AGBL1: variants seen among roughly 807,000 people sequenced by gnomAD.
AGBL1 encodes AGBL carboxypeptidase 1.
Under a neutral mutation model 118.9 loss-of-function variants are expected in AGBL1, and 130 were observed. The observed-to-expected ratio is 1.09, with a 90% confidence interval of 0.95 to 1.26. The LOEUF (loss-of-function observed/expected upper bound fraction) is 1.26, where lower values mean the gene tolerates loss of function less well. Ranked by LOEUF, AGBL1 falls within the 50% of genes most tolerant of loss-of-function variation. The probability of loss-of-function intolerance (pLI) is 0.00; values close to 1 mark genes in which losing one functional copy is unlikely to be tolerated. For missense variants in AGBL1, 1,584 were observed against 1,298.1 expected (o/e 1.22, Z -3.38); for synonymous variants, 555 against 478.9 (o/e 1.16, Z -2.08).
chr15:86,588,431 T>C (rs759917232), intron 21 of AGBL1, among the ~76,000 whole-genome samples: 1 of 152,180 alleles, frequency 6.6e-6, no homozygotes, highest in Non-Finnish European at 1.5e-5. Flanking sequence ...AGAAGAAAAC[T>C]TGCAGCAGTA....
chr15:86,628,077 T>C (rs913039094), intron 21 of AGBL1, among the ~76,000 whole-genome samples: 21 of 152,128 alleles, frequency 1.4e-4, no homozygotes, highest in Non-Finnish European at 2.5e-4. Context: ...TCCAAATAGT[T>C]CTGGGGAGAA....
chr15:86,806,748 C>G (rs2078718754), intron 22 of AGBL1, among the ~76,000 whole-genome samples: 1 of 151,110 alleles, frequency 6.6e-6, no homozygotes, highest in Admixed American at 6.6e-5. Context: ...TAAAAGTTCT[C>G]ATTATTATTT....
intron 20 of AGBL1, among the ~76,000 whole-genome samples, chr15:86,550,064 G>A (rs549658695): frequency 1.3e-5 from 2 of 151,730 alleles, no homozygotes; most frequent in South Asian, 4.1e-4. Flanking sequence ...AAAGAACAGA[G>A]AAAACAAGAT....
chr15:86,436,834 A>G (rs1020243186), intron 18 of AGBL1, among the ~76,000 whole-genome samples: 1 of 152,190 alleles, frequency 6.6e-6, no homozygotes, highest in Non-Finnish European at 1.5e-5. Context: ...TGCCTAAGGA[A>G]CTGCTTATGG....
intron 17 of AGBL1, among the ~76,000 whole-genome samples, chr15:86,389,265 A>C (rs558970356): frequency 6.6e-6 from 1 of 152,162 alleles, no homozygotes; most frequent in Admixed American, 6.5e-5. Context: ...GAAAACAAAA[A>C]CACACATTTC....
intron 17 of AGBL1, among the ~76,000 whole-genome samples, chr15:86,299,519 T>C (rs1443991249): frequency 1.3e-5 from 2 of 151,830 alleles, no homozygotes; most frequent in African/African-American, 4.8e-5. Flanking sequence ...ACACACAGAA[T>C]CCAAGAAAAT....
chr15:86,301,691 T>A (rs942217642), intron 17 of AGBL1, among the ~76,000 whole-genome samples: 23 of 105,532 alleles, frequency 2.2e-4, no homozygotes, highest in Admixed American at 1.5e-3. Context: ...TGTGTGTGTG[T>A]GTGATGTCAA....
At chr15:86,846,306 C>G (rs1179053436) in intron 22 of AGBL1, among the ~76,000 whole-genome samples, 1 of 152,116 alleles carries the variant, frequency 6.6e-6, no homozygotes, top group Non-Finnish European at 1.5e-5. Context: ...GATCGTTTTG[C>G]TTTCATTGCT....
At chr15:86,545,373 A>G (rs901801519) in intron 19 of AGBL1, among the ~76,000 whole-genome samples, 1 of 152,170 alleles carries the variant, frequency 6.6e-6, no homozygotes, top group African/African-American at 2.4e-5. Context: ...TCCCTTTTGA[A>G]GGATCTTTCC....
At chr15:86,972,578 T>C (rs760882440) in intron 23 of AGBL1, among the ~76,000 whole-genome samples, 5 of 152,058 alleles carry the variant, frequency 3.3e-5, no homozygotes, top group African/African-American at 1.2e-4. Context: ...AGCCTATCTT[T>C]ATGTTACATA....
At chr15:86,718,992 A>G (rs189629485) in intron 22 of AGBL1, among the ~76,000 whole-genome samples, 143 of 152,284 alleles carry the variant, frequency 9.4e-4, no homozygotes, top group African/African-American at 3.4e-3. Context: ...AATGAAATCA[A>G]CGATCTATCC....
intron 18 of AGBL1, among the ~76,000 whole-genome samples, chr15:86,465,293 C>A (rs550167245): frequency 2.0e-5 from 3 of 152,290 alleles, no homozygotes; most frequent in African/African-American, 7.2e-5. Context: ...ACTTTAATCT[C>A]TCAATCCTGT....
chr15:86,903,014 G>T (rs2080232821), intron 22 of AGBL1, among the ~76,000 whole-genome samples: 1 of 151,948 alleles, frequency 6.6e-6, no homozygotes, highest in Non-Finnish European at 1.5e-5. Flanking sequence ...CTCTTCTTTT[G>T]GGACAATGGT....
chr15:86,574,744 A>G (rs1319453527), intron 21 of AGBL1, among the ~76,000 whole-genome samples: 1 of 151,362 alleles, frequency 6.6e-6, no homozygotes, highest in Non-Finnish European at 1.5e-5. Flanking sequence ...CTCCTAGCTA[A>G]TTTTTGTATT....
intron 3 of AGBL1, among the ~76,000 whole-genome samples, chr15:86,149,907 C>T (rs891256967): frequency 1.3e-5 from 2 of 152,144 alleles, no homozygotes; most frequent in Non-Finnish European, 2.9e-5. Context: ...TGTAAAAGAA[C>T]AGAAATCACA....
intron 8 of AGBL1, 114 bp downstream of exon 8, chr15:86,257,132 C>T (rs2078909682): frequency 8.7e-7 from 1 of 1,151,274 alleles, no homozygotes; most frequent in Middle Eastern, 2.8e-4. Context: ...CCATAATTGT[C>T]TATTAAGCTA....
chr15:86,099,276 A>G (rs1430805062), intron 1 of AGBL1, among the ~76,000 whole-genome samples: 1 of 152,166 alleles, frequency 6.6e-6, no homozygotes, highest in Admixed American at 6.5e-5. Context: ...AATTACTAAG[A>G]ATACCTTACA....
chr15:86,277,401 C>G (rs77408689), intron 15 of AGBL1, among the ~76,000 whole-genome samples: 1 of 151,960 alleles, frequency 6.6e-6, no homozygotes, highest in Non-Finnish European at 1.5e-5. Flanking sequence ...ATTCCTTACA[C>G]TTCCCTTAAA....
intron 18 of AGBL1, among the ~76,000 whole-genome samples, chr15:86,418,589 C>CT (rs1596089447): frequency 6.6e-6 from 1 of 152,122 alleles, no homozygotes; most frequent in East Asian, 1.9e-4. Context: ...GCCATTTTCT[C>CT]TTTTTTCAAA....
Sources: gnomAD v4.1 joint callset for allele counts (sites outside exome capture counted in the v4.1 genomes callset) on GRCh38, gnomAD v4.1.1 for gene constraint, MANE v1.5 for transcripts, NCBI Gene and HGNC (gene_info 2026-07-23, HGNC 2026-07-21) for gene names.